Variants in PEAK1 observed in about 807,000 individuals in gnomAD.
PEAK1 encodes the protein inactive tyrosine-protein kinase PEAK1.
PEAK1 carries 54 observed loss-of-function variants against 124.7 expected under a neutral mutation model. The observed-to-expected ratio is 0.43, with a 90% CI of 0.35 to 0.54. The LOEUF is 0.54. PEAK1 is among the 20% of genes least tolerant of loss of function. PEAK1 has a pLI of 0.01. For missense variants in PEAK1, 2,046 were observed against 2,134.5 expected (o/e 0.96, Z 0.82); for synonymous variants, 719 against 760.0 (o/e 0.95, Z 0.89).
At chr15:77,320,078 G>C (rs559321916) in intron 2 of PEAK1, among the ~76,000 whole-genome samples, 1 of 152,264 alleles carries the variant, frequency 6.6e-6, no homozygotes, top group South Asian at 2.1e-4. Context: ...TGATGTAGAA[G>C]TAAAGAGCTT....
chr15:77,383,045 C>T (rs2069615108), intron 1 of PEAK1, among the ~76,000 whole-genome samples: 2 of 123,106 alleles, frequency 1.6e-5, no homozygotes, highest in East Asian at 4.8e-4. Context: ...TTTTTTGACA[C>T]GAAGTCTTGC....
chr15:77,206,062 TGA>T (rs1316229905), intron 6 of PEAK1, among the ~76,000 whole-genome samples: 3 of 120,352 alleles, frequency 2.5e-5, no homozygotes, highest in African/African-American at 9.6e-5. Context: ...CACCTATGAG[TGA>T]GAATATGCGG....
chr15:77,281,827 T>C (rs2062690776), intron 5 of PEAK1, among the ~76,000 whole-genome samples: 1 of 152,152 alleles, frequency 6.6e-6, no homozygotes, highest in Non-Finnish European at 1.5e-5. Context: ...CTCCGATAAA[T>C]TCAAATAACT....
At chr15:77,268,236 A>G (rs2061842061) in intron 5 of PEAK1, among the ~76,000 whole-genome samples, 1 of 152,232 alleles carries the variant, frequency 6.6e-6, no homozygotes, top group Non-Finnish European at 1.5e-5. Flanking sequence ...GCACTTTGGG[A>G]GGCCGAGGTG....
intron 1 of PEAK1, among the ~76,000 whole-genome samples, chr15:77,414,207 CTTT>C (rs71145827): frequency 8.8e-5 from 6 of 67,920 alleles, no homozygotes; most frequent in Admixed American, 3.1e-4. Context: ...TTCTTTCCTT[CTTT>C]TTTTTTTTTT....
exon 7 of PEAK1, chr15:77,102,498 G>C (rs1196048505): frequency 6.6e-6 from 1 of 152,114 alleles, no homozygotes; most frequent in Non-Finnish European, 1.5e-5. Flanking sequence ...CATTGACTTG[G>C]CATTCTTCTA....
chr15:77,208,156 A>G (rs2058750003), intron 6 of PEAK1, among the ~76,000 whole-genome samples: 1 of 152,182 alleles, frequency 6.6e-6, no homozygotes, highest in African/African-American at 2.4e-5. Flanking sequence ...AGGTACTACT[A>G]TGTATGACGC....
chr15:77,159,506 T>G (rs2055443066), intron 7 of PEAK1, among the ~76,000 whole-genome samples: 1 of 152,200 alleles, frequency 6.6e-6, no homozygotes, highest in Non-Finnish European at 1.5e-5. Context: ...AAAACTGGCC[T>G]AGTTAGAAAA....
At chr15:77,134,274 T>C (rs16968681) in intron 8 of PEAK1, among the ~76,000 whole-genome samples, 15,168 of 152,250 alleles carry the variant, frequency 0.1, 834 homozygotes, top group African/African-American at 0.11. Context: ...ATATATAGCA[T>C]TTGTCATGCA....
intron 9 of PEAK1, among the ~76,000 whole-genome samples, chr15:77,116,944 T>C (rs968069176): frequency 1.3e-5 from 2 of 152,220 alleles, no homozygotes; most frequent in Non-Finnish European, 2.9e-5. Context: ...ATATGCAGTA[T>C]AATATATAAT....
intron 6 of PEAK1, among the ~76,000 whole-genome samples, chr15:77,195,033 A>G (rs1370136028): frequency 1.3e-5 from 2 of 152,158 alleles, no homozygotes; most frequent in Admixed American, 6.5e-5. Flanking sequence ...TGTATTTTGG[A>G]AAGATTTTTA....
At chr15:77,391,484 A>G (rs1249995245) in intron 1 of PEAK1, among the ~76,000 whole-genome samples, 1 of 116,442 alleles carries the variant, frequency 8.6e-6, no homozygotes, top group Non-Finnish European at 1.9e-5. Context: ...GGCAAAAAAA[A>G]AAAAAAAAAA....
At position 77,299,717 on chromosome 15, in the gene PEAK1, T is replaced by G. The variant is rs555970163; in HGVS notation, c.-602-13213A>C. Among the ~76,000 whole-genome samples the G allele has an allele frequency of 5.9e-5, 9 of 152,330 alleles. 1 individual carries two copies. The highest frequency in any genetic ancestry group is 2.2e-4 in the African/African-American group (9 of 41,568). On this transcript the variant is annotated intron_variant, in intron 2 of 9. Transcript: ENST00000682557. ...TCCAAATTAGATTTCAGTTATGCATTTTTGAAAGAAGTGTCATAGAAATGC... is the reference window on the plus strand; with the variant it reads ...TCCAAATTAGATTTCAGTTATGCATGTTTGAAAGAAGTGTCATAGAAATGC...
At chr15:77,103,543 T>C (rs1393630757), downstream of PEAK1, 1 of 152,220 alleles carries the variant, frequency 6.6e-6, no homozygotes, top group Non-Finnish European at 1.5e-5. Flanking sequence ...GTCTTGTATA[T>C]ATTTGCTCAA....
At position 77,133,041 on chromosome 15, in the gene PEAK1, T is replaced by C. The variant is rs1302571788; in HGVS notation, c.4041A>G (p.Ser1347=). ...AGTTATTAAGTGGATCTTTTGCATA[T>C]GAAGCAGTATAGTAAACCGCATCAC... ...EAGDAVYYTA[S]YAKDPLNNYA... The change falls in exon 9 of 10, where the codon TCA becomes TCG. Residue 1347 remains serine (S), a synonymous_variant. Transcript: ENST00000682557. The surrounding 1 kb of genome is among the most constrained non-coding windows in gnomAD (Gnocchi z 4.2). The C allele has an allele frequency of 8.1e-6, 13 of 1,612,618 alleles. No individual in the cohort carries two copies. In the East Asian group the frequency reaches 2.2e-4, roughly 28 times the overall value.
At chr15:77,385,478 T>C (rs1198134448) in intron 1 of PEAK1, among the ~76,000 whole-genome samples, 1 of 152,206 alleles carries the variant, frequency 6.6e-6, no homozygotes, top group Non-Finnish European at 1.5e-5. Flanking sequence ...AAGGGAGCTA[T>C]GGGGATGCTC....
intron 2 of PEAK1, among the ~76,000 whole-genome samples, chr15:77,316,029 G>A (rs767799299): frequency 2.9e-4 from 44 of 152,096 alleles, no homozygotes; most frequent in Middle Eastern, 3.4e-3. Context: ...GTGTGTATTG[G>A]GGGGAGGGCA....
intron 7 of PEAK1, among the ~76,000 whole-genome samples, chr15:77,159,385 A>G (rs1249339798): frequency 6.6e-6 from 1 of 152,248 alleles, no homozygotes; most frequent in Non-Finnish European, 1.5e-5. Flanking sequence ...GCATACCAGT[A>G]TATGACCAAT....
intron 2 of PEAK1, among the ~76,000 whole-genome samples, chr15:77,313,817 G>T (rs994184186): frequency 6.6e-6 from 1 of 150,804 alleles, no homozygotes; most frequent in African/African-American, 2.4e-5. Flanking sequence ...CCTGACCTCA[G>T]ATTACCCACC....
Sources: allele counts gnomAD v4.1 joint callset (sites outside exome capture counted in the v4.1 genomes callset), GRCh38; gene constraint gnomAD v4.1.1; non-coding constraint Gnocchi (gnomAD v3.1); transcripts MANE v1.5; gene names NCBI Gene and HGNC (gene_info 2026-07-23, HGNC 2026-07-21).